Variants in COG6 observed in about 807,000 individuals in gnomAD.
COG6 encodes the protein conserved oligomeric Golgi complex subunit 6.
In COG6, 74 loss-of-function variants were observed where a neutral mutation model predicts 88.8. The ratio of observed to expected loss-of-function variants is 0.83; its 90% CI spans 0.69 to 1.01. COG6 has a LOEUF of 1.01. Ranked by LOEUF, COG6 falls within the 50% of genes least tolerant of loss-of-function variation. COG6 has a pLI of 0.00. For synonymous variants in COG6, 286 were observed against 278.7 expected (o/e 1.03, Z -0.26); for missense variants, 800 against 797.9 (o/e 1.00, Z -0.03).
chr13:39,666,053 C>T (rs1875240897), intron 4 of COG6, among the ~76,000 whole-genome samples: 1 of 152,140 alleles, frequency 6.6e-6, no homozygotes, highest in African/African-American at 2.4e-5. Context: ...CATATGTGGC[C>T]TACAAAGCCT....
chr13:39,790,509 T>A (rs908082577), exon 19 of COG6: 2 of 152,278 alleles, frequency 1.3e-5, no homozygotes, highest in Non-Finnish European at 1.5e-5. Context: ...CTTTTCAATA[T>A]GTTTTAATAT....
intron 18 of COG6, among the ~76,000 whole-genome samples, chr13:39,742,966 A>C (rs1176034201): frequency 1.3e-5 from 2 of 152,230 alleles, no homozygotes; most frequent in Non-Finnish European, 1.5e-5. Context: ...AAAACTGCAC[A>C]ACTACATGGA....
At chr13:39,657,013 A>C (rs564642750) in intron 1 of COG6, 3 of 389,250 alleles carry the variant, frequency 7.7e-6, no homozygotes, top group African/African-American at 4.2e-5. Flanking sequence ...TAAGACTGCT[A>C]CTTGCTCTGA....
chr13:39,723,976 G>A (rs1878991738), intron 16 of COG6, among the ~76,000 whole-genome samples: 1 of 151,882 alleles, frequency 6.6e-6, no homozygotes, highest in Non-Finnish European at 1.5e-5. Flanking sequence ...AAGGAGTGGT[G>A]GGAACCTTAG....
chr13:39,700,310 G>A (rs184443448), intron 13 of COG6, among the ~76,000 whole-genome samples: 8 of 151,880 alleles, frequency 5.3e-5, no homozygotes, highest in Admixed American at 3.9e-4. Flanking sequence ...CCCAGATTTT[G>A]TAATATGGTA....
chr13:39,677,463 T>G lies in COG6; in HGVS notation c.429-5T>G. ...GATTTTTATTGCTTGTTTTGAAAAT[T>G]ACAGCCAAAAATTAGAGATAAGAGC... is the stretch of plus-strand genomic sequence containing the variant. On this transcript the variant is annotated splice_region_variant and splice_polypyrimidine_tract_variant and intron_variant, in intron 4 of 18. Transcript: ENST00000455146. 2 of 1,567,878 alleles carry G rather than the reference T, an allele frequency of 1.3e-6. No individual in the cohort carries two copies. The highest frequency in any genetic ancestry group is 1.8e-6 in the Non-Finnish European group (2 of 1,138,178).
intron 3 of COG6, among the ~76,000 whole-genome samples, chr13:39,662,422 C>T (rs1175605126): frequency 1.3e-5 from 2 of 152,058 alleles, no homozygotes; most frequent in South Asian, 2.1e-4. Context: ...CCACCATGCC[C>T]GGCCAGTCCT....
chr13:39,706,322 A>G (rs1877924904), intron 13 of COG6, among the ~76,000 whole-genome samples: 1 of 138,860 alleles, frequency 7.2e-6, no homozygotes, highest in Non-Finnish European at 1.6e-5. Flanking sequence ...GTTTAAAAAT[A>G]TGAGAACTTT....
At chr13:39,656,635 T>A (rs568323277) in intron 1 of COG6, among the ~76,000 whole-genome samples, 3 of 152,174 alleles carry the variant, frequency 2.0e-5, no homozygotes, top group Admixed American at 2.0e-4. Context: ...TAGAGAGTTT[T>A]ATAGGTGAAT....
intron 13 of COG6, among the ~76,000 whole-genome samples, chr13:39,704,562 G>C (rs1877777230): frequency 6.6e-6 from 1 of 152,264 alleles, no homozygotes; most frequent in Admixed American, 6.5e-5. Context: ...GAAGAAGAGA[G>C]ACTGGTCTTG....
At chr13:39,786,773 C>A (rs544517618) in intron 18 of COG6, among the ~76,000 whole-genome samples, 1 of 152,278 alleles carries the variant, frequency 6.6e-6, no homozygotes, top group South Asian at 2.1e-4. Context: ...ACCCTATTAA[C>A]TCATTGCTGA....
At chr13:39,658,429 C>T (rs1279251599) in intron 1 of COG6, among the ~76,000 whole-genome samples, 1 of 152,098 alleles carries the variant, frequency 6.6e-6, no homozygotes, top group Non-Finnish European at 1.5e-5. Flanking sequence ...AGGTGTAAGC[C>T]ACCGTGCCAT....
At chr13:39,704,381 G>C (rs1877766925) in intron 13 of COG6, among the ~76,000 whole-genome samples, 1 of 152,030 alleles carries the variant, frequency 6.6e-6, no homozygotes, top group East Asian at 1.9e-4. Context: ...CTCATTTTTT[G>C]TTGTATGTAT....
chr13:39,778,105 T>C (rs1240199286), intron 18 of COG6, among the ~76,000 whole-genome samples: 1 of 152,210 alleles, frequency 6.6e-6, no homozygotes, highest in African/African-American at 2.4e-5. Flanking sequence ...GAGTTACTTA[T>C]ATTTTCCTCC....
Position 39,724,562 on chromosome 13 carries a change from G to GT in COG6, c.1746+2dup. On this transcript the variant is annotated splice_donor_variant, in intron 17 of 18. Coordinates refer to ENST00000455146, the MANE Select transcript of COG6 (RefSeq NM_020751.3). LOFTEE classifies it high-confidence loss of function. Reference sequence around the variant, plus strand: ...TTCTGTGACACTGAAGGCTGCAATGGTAAGTGTATAATAAAACATTTTAAT... The same window carrying GT: ...TTCTGTGACACTGAAGGCTGCAATGGTTAAGTGTATAATAAAACATTTTAAT... The GT allele has an allele frequency of 6.3e-7, 1 of 1,586,976 alleles. No homozygotes were observed. Among genetic ancestry groups the GT allele is most frequent in the Non-Finnish European group, 8.6e-7 (1 of 1,157,932 alleles).
chr13:39,701,523 A>G (rs774554044), intron 13 of COG6, among the ~76,000 whole-genome samples: 16 of 151,954 alleles, frequency 1.1e-4, no homozygotes, highest in East Asian at 1.9e-4. Context: ...CGTCAACAGT[A>G]TGATGCTGAG....
chr13:39,692,600 C>G (rs1001403989), intron 11 of COG6, among the ~76,000 whole-genome samples: 119 of 151,900 alleles, frequency 7.8e-4, no homozygotes, highest in African/African-American at 2.7e-3. Flanking sequence ...TTTTTTAGTC[C>G]TCCCTTCTTC....
chr13:39,673,134 T>C lies in COG6; in HGVS notation c.429-4334T>C, dbSNP rs1186477030. ...GTTCTTTATATGTTCTGGATATAGG[T>C]TTGTTAACAGATACATTATTTGCAG... On this transcript the variant is annotated intron_variant, in intron 4 of 18. Coordinates refer to ENST00000455146, the MANE Select transcript of COG6 (RefSeq NM_020751.3). Among the ~76,000 whole-genome samples, 9 of 152,212 alleles carry C rather than the reference T, an allele frequency of 5.9e-5. No individual in the cohort carries two copies. In the East Asian group the frequency reaches 1.7e-3, roughly 29 times the overall value.
intron 18 of COG6, among the ~76,000 whole-genome samples, chr13:39,749,005 T>C (rs1880484390): frequency 6.6e-6 from 1 of 152,218 alleles, no homozygotes; most frequent in Non-Finnish European, 1.5e-5. Context: ...ACATAATTCC[T>C]AGAAAAACAA....
Sources: gnomAD v4.1 joint callset for allele counts (sites outside exome capture counted in the v4.1 genomes callset) on GRCh38, gnomAD v4.1.1 for gene constraint, MANE v1.5 for transcripts, NCBI Gene and HGNC (gene_info 2026-07-23, HGNC 2026-07-21) for gene names.